The following HNRNPM variants were observed in gnomAD, a reference collection of about 807,000 sequenced individuals.
HNRNPM encodes the protein heterogeneous nuclear ribonucleoprotein M.
In HNRNPM, 11 loss-of-function variants were observed where a neutral mutation model predicts 73.1. The observed-to-expected ratio is 0.15, with a 90% CI of 0.09 to 0.25. The LOEUF (loss-of-function observed/expected upper bound fraction) is 0.25. Ranked by LOEUF, HNRNPM falls within the 10% of genes least tolerant of loss-of-function variation. The probability of loss-of-function intolerance (pLI) is 1.00; values close to 1 mark genes in which losing one functional copy is unlikely to be tolerated. For missense variants in HNRNPM, 789 were observed against 1,067.9 expected, an observed-to-expected ratio of 0.74 and a Z score of 3.64; for synonymous variants, 407 against 355.2, an observed-to-expected ratio of 1.15 and a Z score of -1.64.
In HNRNPM at chr19:8,458,650, C is replaced by T. The variant is rs536236277; in HGVS notation, c.283+3076C>T. On this transcript the variant is annotated intron_variant, in intron 2 of 15. Transcript: ENST00000325495. ...GGATGTAGTTTACCCTCAGTCGATC[C>T]GAAGTTTAGCAGCAGTCAGTTCAAC... Among the ~76,000 whole-genome samples, 6 of 152,330 alleles carry T rather than the reference C, an allele frequency of 3.9e-5. No homozygotes were observed. In the South Asian group the frequency reaches 6.2e-4, roughly 16 times the overall value.
intron 13 of HNRNPM, among the ~76,000 whole-genome samples, chr19:8,484,251 A>C (rs557115398): frequency 7.0e-6 from 1 of 142,794 alleles, no homozygotes; most frequent in African/African-American, 2.6e-5. Flanking sequence ...ATCTCGGCTC[A>C]CTGTGACCTC....
In HNRNPM at chr19:8,481,085, C is replaced by T. The variant is rs545277264; in HGVS notation, c.1121-2073C>T. Among the ~76,000 whole-genome samples, 5 of 152,306 alleles carry T rather than the reference C, an allele frequency of 3.3e-5. No individual in the cohort carries two copies. In the East Asian group the frequency reaches 9.6e-4, roughly 29 times the overall value. On this transcript the variant is annotated intron_variant, in intron 12 of 15. Coordinates refer to ENST00000325495, the MANE Select transcript of HNRNPM (RefSeq NM_005968.5). ...AGGTGAACCATTGTGGTGCTCCTTT[C>T]CATAGTGCTTTCCTACTCGGTGCCC...
At chr19:8,461,125 A>G (rs955937173) in intron 2 of HNRNPM, among the ~76,000 whole-genome samples, 38 of 152,304 alleles carry the variant, frequency 2.5e-4, no homozygotes, top group African/African-American at 8.9e-4. Flanking sequence ...GTTTTGTACA[A>G]AGTGTCAGTT....
Position 8,462,355 on chromosome 19 carries a change from CT to C in HNRNPM, c.284-170del, listed in dbSNP as rs766718187. On this transcript the variant is annotated intron_variant, in intron 2 of 15. Transcript: ENST00000325495. The surrounding 1 kb of genome is among the most constrained non-coding windows in gnomAD (Gnocchi z 4.5). The stretch of plus-strand genomic sequence containing the variant: ...CATATTGTTAACGTGTTTTCACCTA[CT>C]TTTACTGCACACCTGTAATGCCTAG... The C allele has an allele frequency of 3.3e-6, 2 of 610,560 alleles. No individual in the cohort carries two copies. Among genetic ancestry groups the C allele is most frequent in the Non-Finnish European group, 6.0e-6 (2 of 334,362 alleles). 37.8% of individuals were successfully genotyped at this position (610,560 alleles called of 1,614,324 possible).
chr19:8,481,499 C>T lies in HNRNPM; in HGVS notation c.1121-1659C>T, dbSNP rs550127224. 3.2e-3 allele frequency: 436 copies of T among 138,138 alleles called. 2 individuals are homozygous for T. The highest frequency in any genetic ancestry group is 4.3e-3 in the Non-Finnish European group (268 of 61,876). The allele number at this position is 138,138 out of a possible 1,614,324, so 8.6% of individuals were successfully genotyped here. ...CCTGTGAATGCCGATGGGAGAATTCCGCCATTCTCTGCAAATCAGTGGCAT... is the reference window on the plus strand; with the variant it reads ...CCTGTGAATGCCGATGGGAGAATTCTGCCATTCTCTGCAAATCAGTGGCAT... On this transcript the variant is annotated intron_variant, in intron 12 of 15. Coordinates refer to ENST00000325495, the MANE Select transcript of HNRNPM (RefSeq NM_005968.5).
At chr19:8,467,485 C>T (rs1969835025) in intron 7 of HNRNPM, 50 bp from the exon 8 acceptor site, 1 of 1,394,492 alleles carries the variant, frequency 7.2e-7, no homozygotes, top group South Asian at 1.2e-5. Flanking sequence ...TTGTATTTCT[C>T]TTGTGCACAT....
At chr19:8,484,215 C>T (rs1409360780) in intron 13 of HNRNPM, among the ~76,000 whole-genome samples, 13 of 144,726 alleles carry the variant, frequency 9.0e-5, no homozygotes, top group African/African-American at 3.4e-4. Flanking sequence ...CTCACTCTGT[C>T]GCCCAGGCTA....
intron 8 of HNRNPM, 129 bp from the exon 9 acceptor site, chr19:8,468,645 C>T (rs1969922634): frequency 7.3e-6 from 5 of 683,978 alleles, no homozygotes; most frequent in Admixed American, 2.2e-5. Context: ...TCTACCCTTG[C>T]GTATTACTCC....
chr19:8,481,491 G>C (rs554857375), intron 12 of HNRNPM: 1 of 138,240 alleles, frequency 7.2e-6, no homozygotes, highest in East Asian at 2.3e-4. Context: ...ATGCCGATGG[G>C]AGAATTCCGC....
chr19:8,459,083 G>A (rs990300125), intron 2 of HNRNPM, among the ~76,000 whole-genome samples: 3 of 152,048 alleles, frequency 2.0e-5, no homozygotes, highest in Non-Finnish European at 4.4e-5. Flanking sequence ...CCACCACCAC[G>A]CCGAGTTAAT....
At chr19:8,460,525 G>A (rs890173297) in intron 2 of HNRNPM, among the ~76,000 whole-genome samples, 3 of 152,196 alleles carry the variant, frequency 2.0e-5, no homozygotes, top group East Asian at 1.9e-4. Context: ...TGAGTCAGGT[G>A]TGCTATTTCT....
chr19:8,467,369 A>T (rs1171093771), intron 7 of HNRNPM, among the ~76,000 whole-genome samples, 166 bp from the exon 8 acceptor site: 1 of 152,148 alleles, frequency 6.6e-6, no homozygotes, highest in African/African-American at 2.4e-5. Context: ...AGCTTTATTT[A>T]TTGTTCCTTT....
At chr19:8,483,908 G>A (rs988050571) in intron 13 of HNRNPM, among the ~76,000 whole-genome samples, 1 of 152,138 alleles carries the variant, frequency 6.6e-6, no homozygotes, top group South Asian at 2.1e-4. Flanking sequence ...TGGGACTACA[G>A]GCGTGTGCCA....
intron 8 of HNRNPM, among the ~76,000 whole-genome samples, 164 bp from the exon 9 acceptor site, chr19:8,468,610 A>G (rs545584099): frequency 6.6e-6 from 1 of 152,284 alleles, no homozygotes; most frequent in South Asian, 2.1e-4. Flanking sequence ...TTGACATAAA[A>G]TAGGAAGCAT....
At chr19:8,486,985 T>G (rs1237958854) in intron 14 of HNRNPM, 39 bp from the exon 15 acceptor site, 1 of 1,565,834 alleles carries the variant, frequency 6.4e-7, no homozygotes, top group African/African-American at 1.4e-5. Context: ...AGGATTTGGT[T>G]TAATCACGCA....
chr19:8,476,395 A>G (rs1970507192), intron 12 of HNRNPM, among the ~76,000 whole-genome samples: 1 of 152,142 alleles, frequency 6.6e-6, no homozygotes, highest in Admixed American at 6.5e-5. Context: ...TGTAGCCATT[A>G]TGGTCATGGG....
At chr19:8,472,829 G>A (rs774629267) in intron 10 of HNRNPM, among the ~76,000 whole-genome samples, 3 of 152,130 alleles carry the variant, frequency 2.0e-5, no homozygotes, top group South Asian at 2.1e-4. Context: ...TGATCCACCC[G>A]CCTCGGCTTC....
intron 9 of HNRNPM, among the ~76,000 whole-genome samples, chr19:8,469,809 GC>G: frequency 1.3e-5 from 2 of 152,360 alleles, no homozygotes; most frequent in East Asian, 3.9e-4. Flanking sequence ...CTGGTCTGGA[GC>G]AGCAGCTCAA....
chr19:8,487,768 A>G (rs775995904), intron 15 of HNRNPM: 2 of 151,894 alleles, frequency 1.3e-5, no homozygotes, highest in Admixed American at 6.6e-5. Context: ...CTGCTTCTCC[A>G]TGGTTCTTGG....
Sources: allele counts gnomAD v4.1 joint callset (sites outside exome capture counted in the v4.1 genomes callset), GRCh38; gene constraint gnomAD v4.1.1; non-coding constraint Gnocchi (gnomAD v3.1); transcripts MANE v1.5; gene names NCBI Gene and HGNC (gene_info 2026-07-23, HGNC 2026-07-21).